NCBP2: variants seen among roughly 807,000 people sequenced by gnomAD.
The protein encoded by NCBP2 is nuclear cap-binding protein subunit 2.
A neutral mutation model predicts 21.5 loss-of-function variants in NCBP2; 8 were observed. The observed-to-expected ratio is 0.37, with a 90% CI of 0.22 to 0.67. The LOEUF is 0.67. NCBP2 is among the 30% of genes least tolerant of loss of function. The pLI is 0.56. For synonymous variants in NCBP2, 92 were observed against 75.8 expected (o/e 1.21, Z -1.11); for missense variants, 127 against 206.9 (o/e 0.61, Z 2.37).
At chr3:196,941,838 C>A in intron 1 of NCBP2, 1 of 1,397,842 alleles carries the variant, frequency 7.2e-7, no homozygotes, top group South Asian at 1.2e-5. Flanking sequence ...TCTTTACATC[C>A]GAACACCCTC....
At position 196,942,448 on chromosome 3, in the gene NCBP2, TG is replaced by T; in HGVS notation, c.55del (p.Gln19SerfsTer18). 5 of 1,613,270 alleles carry T rather than the reference TG, an allele frequency of 3.1e-6. No individual in the cohort carries two copies. The highest frequency in any genetic ancestry group is 4.2e-6 in the Non-Finnish European group (5 of 1,179,924). ...LRSDSYVELS[Q>X]YRDQHFRGDN... The stretch of plus-strand genomic sequence containing the variant: ...CACCCGGAAGTGCTGGTCCCGGTAC[TG>T]GCTCAGCTCCACGTAGGAGTCGCTG... On this transcript the variant is annotated frameshift_variant, in exon 1 of 4. Transcript: ENST00000321256. LOFTEE classifies it high-confidence loss of function.
At position 196,939,331 on chromosome 3, in the gene NCBP2, G is replaced by A. The variant is rs1716417654; in HGVS notation, c.180C>T (p.Phe60=). The A allele has an allele frequency of 6.2e-7, 1 of 1,613,180 alleles. No individual in the cohort carries two copies. The highest frequency in any genetic ancestry group is 1.3e-5 in the African/African-American group (1 of 74,892). ...YTTEEQIYEL[F]SKSGDIKKII... ...TTTTCTTTATGTCACCACTTTTGCT[G>A]AAGAGTTCATAGATTTGTTCTTCAG... The change falls in exon 2 of 4, where the codon TTC becomes TTT. Residue 60 remains phenylalanine, a synonymous_variant. Coordinates refer to ENST00000321256, the MANE Select transcript of NCBP2 (RefSeq NM_007362.5).
chr3:196,942,176 G>A, intron 1 of NCBP2: 2 of 1,457,590 alleles, frequency 1.4e-6, no homozygotes, highest in Non-Finnish European at 1.8e-6. Flanking sequence ...GCACTGGCTG[G>A]GGTACAGGGA....
At chr3:196,938,677 C>A (rs1426222487) in intron 2 of NCBP2, 1 of 152,260 alleles carries the variant, frequency 6.6e-6, no homozygotes, top group Non-Finnish European at 1.5e-5. Flanking sequence ...CCGTCACCCC[C>A]GCTGGAACAC....
At position 196,937,086 on chromosome 3, in the gene NCBP2, T is replaced by C; in HGVS notation, c.400-4A>G. On this transcript the variant is annotated splice_region_variant and splice_polypyrimidine_tract_variant and intron_variant, in intron 3 of 3. Transcript: ENST00000321256. ...CCTGCCGATACTCATCCCGAACCTT[T>C]AATGGAAAGAATCCAGAGTTACAGT... The C allele has an allele frequency of 6.2e-7, 1 of 1,614,022 alleles. No homozygotes were observed. The highest frequency in any genetic ancestry group is 1.3e-5 in the African/African-American group (1 of 75,024).
At position 196,940,372 on chromosome 3, in the gene NCBP2, C is replaced by CAA. The variant is rs11450608; in HGVS notation, c.79-942_79-941dup. 2.7e-3 allele frequency among the ~76,000 whole-genome samples: 396 copies of CAA among 145,898 alleles called. 2 individuals are homozygous for CAA. Among genetic ancestry groups the CAA allele is most frequent in the African/African-American group, 8.4e-3 (335 of 40,032 alleles). On this transcript the variant is annotated intron_variant, in intron 1 of 3. Coordinates refer to ENST00000321256, the MANE Select transcript of NCBP2 (RefSeq NM_007362.5). ...GGACAACAAGAGTGAAACTCTATCT[C>CAA]AAAAAAAAAAAGTCCACAGGACAAT...
chr3:196,937,141 T>A, intron 3 of NCBP2, 59 bp from the exon 4 acceptor site: 1 of 1,490,228 alleles, frequency 6.7e-7, no homozygotes, highest in Non-Finnish European at 9.4e-7. Context: ...CAAATATGCC[T>A]CCCACAAACA....
chr3:196,941,821 TC>T, intron 1 of NCBP2: 1 of 1,274,728 alleles, frequency 7.8e-7, no homozygotes, highest in Non-Finnish European at 1.1e-6. Context: ...ATCCAGCAAT[TC>T]TCCGATCTTT....
rs1315458951 is a variant in NCBP2, at chr3:196,942,133, A to AGCC, written c.78+290_78+292dup. 13 of 1,465,476 alleles carry AGCC rather than the reference A, an allele frequency of 8.9e-6. 1 individual carries two copies. In the African/African-American group the frequency reaches 9.9e-5, roughly 11 times the overall value. The allele number at this position is 1,465,476 out of a possible 1,614,324, so 90.8% of individuals were successfully genotyped here. A position where few individuals can be genotyped will look rare whatever the true frequency, so the allele number is the denominator to read the frequency against. On this transcript the variant is annotated intron_variant, in intron 1 of 3. Transcript: ENST00000321256. ...GCGGAGGCACAACCGTGGAAACGGG[A>AGCC]GCCGCCACCACCACCACCGCTCAAA...
intron 1 of NCBP2, chr3:196,941,963 C>A (rs1377498487): frequency 6.5e-7 from 1 of 1,536,356 alleles, no homozygotes; most frequent in Admixed American, 2.0e-5. Context: ...CACCATCCTC[C>A]CAGAGAAGGG....
chr3:196,942,075 A>T (rs1716613038), intron 1 of NCBP2: 1 of 1,522,266 alleles, frequency 6.6e-7, no homozygotes, highest in Non-Finnish European at 8.8e-7. Context: ...GGGAGAGAGA[A>T]GGGCACCCCT....
intron 1 of NCBP2, 48 bp downstream of exon 1, chr3:196,942,378 A>G (rs919783305): frequency 1.5e-5 from 24 of 1,594,628 alleles, no homozygotes; most frequent in Non-Finnish European, 1.9e-5. Flanking sequence ...ACCGTTTCTC[A>G]GCGTTCTTGC....
Position 196,942,111 on chromosome 3 carries a change from G to A in NCBP2, c.78+315C>T, listed in dbSNP as rs913933688. ...CCCCCTTGCTACGTAGTCGTCTGCGGAGGCACAACCGTGGAAACGGGAGCC... is the reference window on the plus strand; with the variant it reads ...CCCCCTTGCTACGTAGTCGTCTGCGAAGGCACAACCGTGGAAACGGGAGCC... On this transcript the variant is annotated intron_variant, in intron 1 of 3. Transcript: ENST00000321256. 29 of 1,478,230 alleles carry A rather than the reference G, an allele frequency of 2.0e-5. No individual in the cohort carries two copies. In the East Asian group the frequency reaches 6.6e-4, roughly 34 times the overall value. The allele number at this position is 1,478,230 out of a possible 1,614,324, so 91.6% of individuals were successfully genotyped here. A position where few individuals can be genotyped will look rare whatever the true frequency, so the allele number is the denominator to read the frequency against.
intron 2 of NCBP2, chr3:196,938,523 A>G (rs1340791764): frequency 6.6e-6 from 1 of 152,282 alleles, no homozygotes; most frequent in Non-Finnish European, 1.5e-5. Context: ...TCCAATACTT[A>G]AAAGAGTCTG....
chr3:196,940,434 G>A (rs1427095469), intron 1 of NCBP2, among the ~76,000 whole-genome samples: 1 of 151,732 alleles, frequency 6.6e-6, no homozygotes, highest in African/African-American at 2.4e-5. Flanking sequence ...TCGGAACTTT[G>A]GAGTGAGACA....
intron 1 of NCBP2, chr3:196,941,951 A>G (rs540073623): frequency 7.2e-6 from 11 of 1,536,342 alleles, no homozygotes; most frequent in South Asian, 1.2e-5. Context: ...CAGCTTCCGT[A>G]ACACCATCCT....
chr3:196,937,493 A>G lies in NCBP2; in HGVS notation c.399+17T>C, dbSNP rs565818710. Reference sequence around the variant, plus strand: ...AATCCCAGGCAATGGCTGAGCCCAGAGACCCTTCTTGCATACCTGGCCCCC... The same window carrying G: ...AATCCCAGGCAATGGCTGAGCCCAGGGACCCTTCTTGCATACCTGGCCCCC... On this transcript the variant is annotated intron_variant, in intron 3 of 3. Transcript: ENST00000321256. The G allele has an allele frequency of 3.1e-6, 5 of 1,613,630 alleles. No individual in the cohort carries two copies. The African/African-American group carries it at 4.0e-5, about 13-fold the overall frequency.
rs1716217587 is a variant in NCBP2 at position 196,935,531 on chromosome 3, G to A, written c.*1480C>T. On this transcript the variant is annotated 3_prime_UTR_variant, in exon 4 of 4. Transcript: ENST00000321256. ...AATATAAAACACATTAAATTACAGT[G>A]TGAAGGAATTTTAAAAATGAACAGT... 6.6e-6 allele frequency: 1 copy of A among 152,202 alleles called. No homozygotes were observed. Among genetic ancestry groups the A allele is most frequent in the African/African-American group, 2.4e-5 (1 of 41,464 alleles). 9.4% of individuals were successfully genotyped at this position (152,202 alleles called of 1,614,324 possible). A position where few individuals can be genotyped will look rare whatever the true frequency, so the allele number is the denominator to read the frequency against.
rs147097931 is a variant in NCBP2, at chr3:196,939,497, G to T, written c.79-65C>A. ...AGCCTTGCTTAAATAGTATTTCTAAGTACGGTAGAGACATTCATTAATTCT... is the reference window on the plus strand; with the variant it reads ...AGCCTTGCTTAAATAGTATTTCTAATTACGGTAGAGACATTCATTAATTCT... On this transcript the variant is annotated intron_variant, in intron 1 of 3. Transcript: ENST00000321256. The T allele has an allele frequency of 3.8e-4, 435 of 1,157,238 alleles. 4 individuals carry two copies. In the East Asian group the frequency reaches 0.011, roughly 29 times the overall value. 71.7% of individuals were successfully genotyped at this position (1,157,238 alleles called of 1,614,324 possible). A position where few individuals can be genotyped will look rare whatever the true frequency, so the allele number is the denominator to read the frequency against.
Sources: allele counts gnomAD v4.1 joint callset (sites outside exome capture counted in the v4.1 genomes callset), GRCh38; gene constraint gnomAD v4.1.1; transcripts MANE v1.5; gene names NCBI Gene and HGNC (gene_info 2026-07-23, HGNC 2026-07-21).